ELP1: variants seen among roughly 807,000 people sequenced by gnomAD.
ELP1 encodes the protein elongator acetyltransferase complex subunit 1, also known as elongator complex protein 1.
A neutral mutation model predicts 183.2 loss-of-function variants in ELP1; 131 were observed. The ratio of observed to expected loss-of-function variants is 0.72; its 90% CI spans 0.62 to 0.83. The LOEUF (loss-of-function observed/expected upper bound fraction) is 0.83. Ranked by LOEUF, ELP1 falls within the 40% of genes least tolerant of loss-of-function variation. ELP1 has a pLI of 0.00. For missense variants in ELP1, 1,550 were observed against 1,594.9 expected (o/e 0.97, Z 0.48); for synonymous variants, 555 against 569.0 (o/e 0.98, Z 0.35).
chr9:108,918,215 A>T (rs1173826893), intron 8 of ELP1, among the ~76,000 whole-genome samples: 5 of 152,242 alleles, frequency 3.3e-5, no homozygotes, highest in Non-Finnish European at 7.3e-5. Flanking sequence ...AGGTCTACAT[A>T]CAACAGATAT....
intron 28 of ELP1, 82 bp from the exon 29 acceptor site, chr9:108,889,475 T>G (rs1293710904): frequency 3.3e-6 from 4 of 1,220,110 alleles, no homozygotes; most frequent in Non-Finnish European, 3.6e-6. Context: ...GTCTTTATTA[T>G]GTATGAAACT....
intron 26 of ELP1, among the ~76,000 whole-genome samples, chr9:108,893,533 C>T (rs1309928011): frequency 6.6e-6 from 1 of 152,194 alleles, no homozygotes; most frequent in African/African-American, 2.4e-5. Flanking sequence ...ACAACTGGCA[C>T]CCCATCACTG....
At chr9:108,888,062 C>T (rs1221018280) in intron 29 of ELP1, among the ~76,000 whole-genome samples, 4 of 152,156 alleles carry the variant, frequency 2.6e-5, no homozygotes, top group South Asian at 2.1e-4. Flanking sequence ...CTGACATATA[C>T]ATATAATGGG....
intron 2 of ELP1, among the ~76,000 whole-genome samples, chr9:108,930,556 G>A (rs1363222961): frequency 6.6e-6 from 1 of 152,118 alleles, no homozygotes; most frequent in African/African-American, 2.4e-5. Flanking sequence ...CGGGCGCGGT[G>A]GCGGGCGCCT....
Position 108,879,944 on chromosome 9 carries a change from T to C in ELP1, c.3460+108A>G, listed in dbSNP as rs1827857429. 4 of 786,966 alleles carry C rather than the reference T, an allele frequency of 5.1e-6. No individual in the cohort carries two copies. In the South Asian group the frequency reaches 5.6e-5, roughly 11 times the overall value. 48.7% of individuals were successfully genotyped at this position (786,966 alleles called of 1,614,324 possible). On this transcript the variant is annotated intron_variant, in intron 32 of 36. Coordinates refer to ENST00000374647, the MANE Select transcript of ELP1 (RefSeq NM_003640.5). ...TCCACAGAAGCCTCACACTTGCCCA[T>C]GGCACAGTAATCAGATTGCAGGCGG...
chr9:108,921,107 C>A (rs1035288624), intron 6 of ELP1, among the ~76,000 whole-genome samples: 1 of 152,106 alleles, frequency 6.6e-6, no homozygotes, highest in African/African-American at 2.4e-5. Context: ...ATTCAATGCA[C>A]CTTGGGATTT....
chr9:108,874,772 A>G (rs1023950845), intron 36 of ELP1, 123 bp downstream of exon 36: 3 of 735,398 alleles, frequency 4.1e-6, no homozygotes, highest in Non-Finnish European at 7.3e-6. Flanking sequence ...GAAGAATTGT[A>G]GTCAATTTTT....
Position 108,869,105 on chromosome 9 carries a change from C to G in ELP1, c.*10G>C. 6.2e-7 allele frequency: 1 copy of G among 1,612,470 alleles called. No individual in the cohort carries two copies. Among genetic ancestry groups the G allele is most frequent in the Non-Finnish European group, 8.5e-7 (1 of 1,178,464 alleles). On this transcript the variant is annotated 3_prime_UTR_variant, in exon 37 of 37. Transcript: ENST00000374647. ...GTCTTCTCTGTCGGATCCCTCCTAA[C>G]TGCAGTCACTCAGTCTAGCAGGCTC...
intron 22 of ELP1, among the ~76,000 whole-genome samples, chr9:108,898,165 T>C (rs927636881): frequency 2.6e-5 from 4 of 152,252 alleles, no homozygotes; most frequent in Admixed American, 6.5e-5. Flanking sequence ...TTCTCTATTT[T>C]GAAAGTGTTT....
At chr9:108,903,059 T>C (rs1054622097) in intron 15 of ELP1, 117 bp from the exon 16 acceptor site, 7 of 665,242 alleles carry the variant, frequency 1.1e-5, no homozygotes, top group African/African-American at 9.2e-5. Context: ...TTTTCTCTAA[T>C]GCTGGCATTA....
At position 108,927,576 on chromosome 9, in the gene ELP1, T is replaced by C. The variant is rs1587924644; in HGVS notation, c.304-123A>G. The stretch of plus-strand genomic sequence containing the variant: ...AAGACATCAGTATATGGAAGAGATA[T>C]CTGCACTCTCATGTTTGTTGCAGCT... On this transcript the variant is annotated intron_variant, in intron 3 of 36. Coordinates refer to ENST00000374647, the MANE Select transcript of ELP1 (RefSeq NM_003640.5). 6.5e-6 allele frequency: 5 copies of C among 766,506 alleles called. No homozygotes were observed. The East Asian group carries it at 7.9e-5, about 12-fold the overall frequency. 47.5% of individuals were successfully genotyped at this position (766,506 alleles called of 1,614,324 possible).
Position 108,881,630 on chromosome 9 carries a change from T to C in ELP1, c.3346+75A>G, listed in dbSNP as rs569726312. 5.4e-5 allele frequency: 48 copies of C among 884,882 alleles called. No individual in the cohort carries two copies. In the East Asian group the frequency reaches 1.1e-3, roughly 21 times the overall value. The allele number at this position is 884,882 out of a possible 1,614,324, so 54.8% of individuals were successfully genotyped here. A position where few individuals can be genotyped will look rare whatever the true frequency, so the allele number is the denominator to read the frequency against. On this transcript the variant is annotated intron_variant, in intron 31 of 36. Transcript: ENST00000374647. ...CATATTATTAAGAAAACACAGTAAATAGGAGGAGACTCTCTCATCTCTCTC... is the reference window on the plus strand; with the variant it reads ...CATATTATTAAGAAAACACAGTAAACAGGAGGAGACTCTCTCATCTCTCTC...
intron 14 of ELP1, 88 bp downstream of exon 14, chr9:108,906,215 A>C: frequency 6.2e-6 from 8 of 1,284,494 alleles, no homozygotes; most frequent in Non-Finnish European, 7.9e-6. Context: ...AACCTTGATC[A>C]ATAGAAGTCA....
intron 28 of ELP1, chr9:108,889,696 T>C (rs942418230): frequency 4.7e-6 from 2 of 423,900 alleles, no homozygotes; most frequent in African/African-American, 4.0e-5. Flanking sequence ...AGACCACTAT[T>C]TCTTTGGTTG....
chr9:108,904,383 C>A (rs1167770067), intron 14 of ELP1, among the ~76,000 whole-genome samples: 1 of 151,348 alleles, frequency 6.6e-6, no homozygotes, highest in African/African-American at 2.4e-5. Context: ...TAGCTTGGAC[C>A]ATAGCCACGG....
Position 108,917,624 on chromosome 9 carries a change from G to C in ELP1, c.787C>G (p.Gln263Glu), listed in dbSNP as rs765609760. 3.7e-6 allele frequency: 6 copies of C among 1,613,856 alleles called. No homozygotes were observed. In the East Asian group the frequency reaches 1.3e-4, roughly 36 times the overall value. ...TTTTTCTCAAAAAACACAATATCCT[G>C]CTGGTTGGGTTTATCTTGTGTAGAT... Reference protein sequence around the residue: ...IASTQDKPNQQDIVFFEKNGL... With the variant: ...IASTQDKPNQEDIVFFEKNGL... The change falls in exon 9 of 37, where the codon CAG (glutamine) becomes GAG (glutamate). Residue 263 changes from glutamine (Q) to glutamate (E), a missense_variant. Physicochemically the swap from Gln to Glu is conservative, Grantham distance 29. Coordinates refer to ENST00000374647, the MANE Select transcript of ELP1 (RefSeq NM_003640.5).
At chr9:108,875,610 A>T (rs778346467) in intron 35 of ELP1, 15 of 320,544 alleles carry the variant, frequency 4.7e-5, no homozygotes, top group Non-Finnish European at 7.3e-5. Flanking sequence ...TTAGAACTTA[A>T]TGTGGGAGGC....
intron 29 of ELP1, among the ~76,000 whole-genome samples, chr9:108,886,129 T>C (rs983698309): frequency 1.6e-4 from 25 of 152,198 alleles, no homozygotes; most frequent in African/African-American, 5.1e-4. Context: ...CTGTAATGCA[T>C]TGGCAGTACG....
chr9:108,927,407 C>A lies in ELP1; in HGVS notation c.350G>T (p.Trp117Leu). The A allele has an allele frequency of 6.2e-7, 1 of 1,613,858 alleles. No individual in the cohort carries two copies. The change falls in exon 4 of 37, where the codon TGG becomes TTG. Residue 117 changes from tryptophan to leucine, a missense_variant. Transcript: ENST00000374647. ...AAGCACCAGCTCTTGGTCAGGACTC[C>A]AACTCATAACAGAGATACCACTGGC... is the stretch of plus-strand genomic sequence containing the variant. The part of the protein sequence containing the change: ...SVASGISVMS[W>L]SPDQELVLLA...
Sources: gnomAD v4.1 joint callset for allele counts (sites outside exome capture counted in the v4.1 genomes callset) on GRCh38, gnomAD v4.1.1 for gene constraint, MANE v1.5 for transcripts, NCBI Gene and HGNC (gene_info 2026-07-23, HGNC 2026-07-21) for gene names.